Variants in MPP7 observed in about 807,000 individuals in gnomAD.
MPP7 encodes the protein MAGUK p55 scaffold protein 7, also known as MAGUK p55 subfamily member 7.
Under a neutral mutation model 76.5 loss-of-function variants are expected in MPP7, and 60 were observed. That is an observed-to-expected ratio of 0.78 (90% CI 0.64 to 0.97). The LOEUF (loss-of-function observed/expected upper bound fraction) is 0.97, where lower values mean the gene tolerates loss of function less well. Ranked by LOEUF, MPP7 falls within the 50% of genes least tolerant of loss-of-function variation. MPP7 has a pLI of 0.00. For missense variants in MPP7, 641 were observed against 694.0 expected, an observed-to-expected ratio of 0.92 and a Z score of 0.86; for synonymous variants, 237 against 244.5, an observed-to-expected ratio of 0.97 and a Z score of 0.29.
At chr10:28,319,602 C>T (rs954361237) in intron 2 of MPP7, among the ~76,000 whole-genome samples, 4 of 152,094 alleles carry the variant, frequency 2.6e-5, no homozygotes, top group Admixed American at 2.6e-4. Context: ...TGTATTATGA[C>T]TTACATTTGG....
At chr10:28,083,237 G>A (rs1852845024) in intron 12 of MPP7, among the ~76,000 whole-genome samples, 1 of 152,168 alleles carries the variant, frequency 6.6e-6, no homozygotes, top group Non-Finnish European at 1.5e-5. Context: ...TAAGCTGAAA[G>A]GGTTTCTGAG....
At chr10:28,145,912 C>G (rs888335187) in intron 5 of MPP7, among the ~76,000 whole-genome samples, 1 of 152,164 alleles carries the variant, frequency 6.6e-6, no homozygotes, top group Non-Finnish European at 1.5e-5. Context: ...AGCCAAATAC[C>G]AGTTCTCATC....
chr10:28,275,969 A>G (rs1156972259), intron 1 of MPP7, among the ~76,000 whole-genome samples: 1 of 151,764 alleles, frequency 6.6e-6, no homozygotes, highest in Non-Finnish European at 1.5e-5. Context: ...CCTAGCACAT[A>G]GTAGGTCTGC....
intron 6 of MPP7, among the ~76,000 whole-genome samples, chr10:28,127,333 G>A (rs1040964263): frequency 6.6e-5 from 10 of 152,160 alleles, no homozygotes; most frequent in African/African-American, 2.4e-4. Flanking sequence ...TCATCCCAAT[G>A]GGGGAGACAA....
chr10:28,271,328 T>C (rs1840320724), intron 1 of MPP7, among the ~76,000 whole-genome samples: 1 of 152,190 alleles, frequency 6.6e-6, no homozygotes, highest in Non-Finnish European at 1.5e-5. Flanking sequence ...TATAATACTA[T>C]CACAGGATTT....
At chr10:28,109,532 C>A (rs1173530742) in intron 11 of MPP7, among the ~76,000 whole-genome samples, 1 of 151,866 alleles carries the variant, frequency 6.6e-6, no homozygotes, top group Non-Finnish European at 1.5e-5. Context: ...GGCAACGTTT[C>A]CGGAATATAA....
At chr10:28,229,707 G>A (rs1218487890) in intron 2 of MPP7, among the ~76,000 whole-genome samples, 5 of 152,030 alleles carry the variant, frequency 3.3e-5, no homozygotes, top group Non-Finnish European at 5.9e-5. Context: ...GGCTAACACA[G>A]TGAAACCCCG....
At chr10:28,168,010 G>A (rs1450448136) in intron 3 of MPP7, among the ~76,000 whole-genome samples, 1 of 152,176 alleles carries the variant, frequency 6.6e-6, no homozygotes, top group Non-Finnish European at 1.5e-5. Context: ...GCCAAGGTGG[G>A]CAGATCACTT....
chr10:28,299,660 C>T (rs568378055), intron 1 of MPP7, among the ~76,000 whole-genome samples: 2 of 152,058 alleles, frequency 1.3e-5, no homozygotes, highest in African/African-American at 2.4e-5. Context: ...GTAAAAAACA[C>T]AGTATCTTCA....
rs564065144 is a variant in MPP7, at chr10:28,069,608, A to C, written c.1204+164T>G. ...ACAGAGTGAGACTCCATCTCAAAAA[A>C]ACAAAACAAACAAAAAAAAAACTCA... On this transcript the variant is annotated intron_variant, in intron 13 of 16. Coordinates refer to ENST00000683449, the MANE Select transcript of MPP7 (RefSeq NM_001318170.2). 6.0e-3 allele frequency among the ~76,000 whole-genome samples: 791 copies of C among 131,214 alleles called. 13 individuals are homozygous for C. The highest frequency in any genetic ancestry group is 0.022 in the African/African-American group (732 of 33,200). 86.1% of individuals were successfully genotyped at this position (131,214 alleles called of 152,430 possible).
intron 12 of MPP7, among the ~76,000 whole-genome samples, chr10:28,080,420 CCTGT>C (rs1365709639): frequency 4.6e-5 from 7 of 152,284 alleles, no homozygotes; most frequent in Non-Finnish European, 4.4e-5. Context: ...CAAAATCTAT[CCTGT>C]CTGTGTCCCC....
At chr10:28,222,672 G>C (rs1189938410) in intron 2 of MPP7, among the ~76,000 whole-genome samples, 1 of 151,898 alleles carries the variant, frequency 6.6e-6, no homozygotes, top group Admixed American at 6.6e-5. Flanking sequence ...CTAACATGGT[G>C]AAACCCCGTC....
At chr10:28,175,413 G>A (rs1836826635) in intron 3 of MPP7, among the ~76,000 whole-genome samples, 1 of 148,704 alleles carries the variant, frequency 6.7e-6, no homozygotes, top group South Asian at 2.1e-4. Context: ...ATGGGGGAGA[G>A]GAGGGTACAT....
intron 1 of MPP7, among the ~76,000 whole-genome samples, chr10:28,262,209 A>ATG (rs1564741240): frequency 0.024 from 288 of 12,252 alleles, 13 homozygotes; most frequent in Non-Finnish European, 0.064. Context: ...ATATATATAC[A>ATG]TATATATATA....
rs1588892164 is a variant in MPP7, at chr10:28,181,144, G to A, written c.156+21009C>T. 4.6e-5 allele frequency among the ~76,000 whole-genome samples: 7 copies of A among 151,924 alleles called. 1 individual carries two copies. The South Asian group carries it at 1.5e-3, about 32-fold the overall frequency. ...ATTAGATTTACATTAATGTCTTATA[G>A]AATTATAATAAAGTATTTTAAATAA... On this transcript the variant is annotated intron_variant, in intron 3 of 16. Coordinates refer to ENST00000683449, the MANE Select transcript of MPP7 (RefSeq NM_001318170.2).
At chr10:28,228,748 G>A (rs12257713) in intron 2 of MPP7, among the ~76,000 whole-genome samples, 2,409 of 151,878 alleles carry the variant, frequency 0.016, 71 homozygotes, top group African/African-American at 0.053. Flanking sequence ...GTGACAGAGT[G>A]AGACTCCATC....
At chr10:28,062,136 T>A (rs916428966) in intron 13 of MPP7, among the ~76,000 whole-genome samples, 3 of 152,218 alleles carry the variant, frequency 2.0e-5, no homozygotes, top group African/African-American at 7.2e-5. Context: ...AAGATATATA[T>A]GACTATTTTA....
Position 28,058,562 on chromosome 10 carries a change from G to C in MPP7, c.1340C>G (p.Thr447Arg). ...YGEYKNNYYG[T>R]SIDSVRSVLA... ...GACAGACCGAACTGAGTCTATACTT[G>C]TGCCGTAGTAGTTGTTTTTATATTC... Residue 447 changes from threonine to arginine, a missense_variant, in exon 15 of 17, where the codon ACA becomes AGA. Transcript: ENST00000683449. 6.2e-7 allele frequency: 1 copy of C among 1,603,288 alleles called. No homozygotes were observed. Among genetic ancestry groups the C allele is most frequent in the Non-Finnish European group, 8.5e-7 (1 of 1,174,218 alleles).
At chr10:28,060,052 T>C (rs1436003483) in intron 13 of MPP7, among the ~76,000 whole-genome samples, 2 of 98,606 alleles carry the variant, frequency 2.0e-5, no homozygotes, top group African/African-American at 1.0e-4. Flanking sequence ...AAAAAAACCT[T>C]TTTTTTTTTT....
Sources: gnomAD v4.1 joint callset for allele counts (sites outside exome capture counted in the v4.1 genomes callset) on GRCh38, gnomAD v4.1.1 for gene constraint, MANE v1.5 for transcripts, NCBI Gene and HGNC (gene_info 2026-07-23, HGNC 2026-07-21) for gene names.